Variants in AKAP13 observed in about 807,000 individuals in gnomAD.
AKAP13 encodes A-kinase anchoring protein 13.
In AKAP13, 80 loss-of-function variants were observed where a neutral mutation model predicts 264.5. The observed-to-expected ratio is 0.30, with a 90% CI of 0.25 to 0.36. The LOEUF is 0.36. AKAP13 is among the 10% of genes least tolerant of loss of function. The pLI is 1.00. For missense variants in AKAP13, 3,712 were observed against 3,435.2 expected, an observed-to-expected ratio of 1.08 and a Z score of -2.01; for synonymous variants, 1,380 against 1,250.2, an observed-to-expected ratio of 1.10 and a Z score of -2.19.
rs151131218 is a variant in AKAP13 at position 85,743,702 on chromosome 15, C to G, written c.8269C>G (p.Pro2757Ala). The change falls in exon 36 of 37, where the codon CCA becomes GCA. Residue 2757 changes from proline (P) to alanine (A), a missense_variant. Physicochemically the swap from Pro to Ala is conservative, Grantham distance 27. Coordinates refer to ENST00000394518, the MANE Select transcript of AKAP13 (RefSeq NM_007200.5). The part of the protein sequence containing the change: ...LSSTSQTNKG[P>A]EGQSQAPAST... ...TTCAACCAGCCAGACAAACAAAGGA[C>G]CAGAAGGGCAGAGCCAGGCCCCTGC... 2.5e-6 allele frequency: 4 copies of G among 1,614,138 alleles called. No individual in the cohort carries two copies. The East Asian group carries it at 6.7e-5, about 27-fold the overall frequency.
At chr15:85,396,928 A>T (rs1299597609) in intron 1 of AKAP13, among the ~76,000 whole-genome samples, 3 of 143,458 alleles carry the variant, frequency 2.1e-5, no homozygotes, top group African/African-American at 7.7e-5. Flanking sequence ...TTTTTAAGAT[A>T]ACTGTTTCTC....
intron 8 of AKAP13, among the ~76,000 whole-genome samples, chr15:85,593,217 C>T (rs1333571342): frequency 6.6e-6 from 1 of 152,062 alleles, no homozygotes; most frequent in Non-Finnish European, 1.5e-5. Flanking sequence ...GAGGCTGAGG[C>T]ATGAGAATTG....
intron 8 of AKAP13, among the ~76,000 whole-genome samples, chr15:85,609,821 C>G (rs879643872): frequency 1.3e-5 from 2 of 152,144 alleles, no homozygotes; most frequent in African/African-American, 2.4e-5. Context: ...TATGCAACAC[C>G]CACCTCCTCT....
intron 1 of AKAP13, among the ~76,000 whole-genome samples, chr15:85,457,023 T>C (rs548817766): frequency 2.0e-5 from 3 of 152,338 alleles, no homozygotes; most frequent in Non-Finnish European, 4.4e-5. Flanking sequence ...CGTTTTCTTG[T>C]ATACTTCCCC....
intron 21 of AKAP13, 108 bp from the exon 22 acceptor site, chr15:85,717,899 G>A: frequency 9.3e-7 from 1 of 1,069,842 alleles, no homozygotes; most frequent in Non-Finnish European, 1.4e-6. Context: ...AATATCCCCT[G>A]TATTCATGTG....
At chr15:85,692,765 C>G (rs1438688361) in intron 16 of AKAP13, among the ~76,000 whole-genome samples, 1 of 152,168 alleles carries the variant, frequency 6.6e-6, no homozygotes, top group Non-Finnish European at 1.5e-5. Flanking sequence ...TATACATACT[C>G]CGTCACTTAG....
chr15:85,741,737 A>C (rs561051480), intron 35 of AKAP13, among the ~76,000 whole-genome samples: 10 of 150,376 alleles, frequency 6.7e-5, no homozygotes, highest in South Asian at 4.2e-4. Flanking sequence ...AACAAAAAAA[A>C]AAAACAGTTT....
chr15:85,558,201 A>G (rs1488562320), intron 5 of AKAP13, among the ~76,000 whole-genome samples: 1 of 152,226 alleles, frequency 6.6e-6, no homozygotes, highest in Non-Finnish European at 1.5e-5. Context: ...CAGTGCTATT[A>G]TGAGGGAGAG....
chr15:85,735,860 A>G (rs2151765518), intron 32 of AKAP13, among the ~76,000 whole-genome samples: 1 of 152,276 alleles, frequency 6.6e-6, no homozygotes, highest in African/African-American at 2.4e-5. Flanking sequence ...TCATAACTCT[A>G]CCATGGTCCT....
intron 11 of AKAP13, 30 bp from the exon 12 acceptor site, chr15:85,658,507 A>T (rs1465082808): frequency 6.2e-7 from 1 of 1,611,646 alleles, no homozygotes; most frequent in Non-Finnish European, 8.5e-7. Flanking sequence ...TTTCACCTGC[A>T]ACACTGACCT....
chr15:85,568,842 T>C (rs563457634), intron 5 of AKAP13, among the ~76,000 whole-genome samples: 1 of 152,270 alleles, frequency 6.6e-6, no homozygotes, highest in African/African-American at 2.4e-5. Context: ...AGCAAAAGAA[T>C]GATGTCACTA....
chr15:85,688,891 T>C (rs1371974830), intron 16 of AKAP13, among the ~76,000 whole-genome samples: 1 of 152,196 alleles, frequency 6.6e-6, no homozygotes, highest in Non-Finnish European at 1.5e-5. Flanking sequence ...CTTAGTATCT[T>C]TGAGAGATAG....
At chr15:85,682,065 G>A (rs891052364) in intron 14 of AKAP13, 93 bp from the exon 15 acceptor site, 12 of 1,196,608 alleles carry the variant, frequency 1.0e-5, no homozygotes, top group Non-Finnish European at 1.5e-5. Flanking sequence ...CGCTGTTTTT[G>A]CTTTAGCTGT....
intron 8 of AKAP13, among the ~76,000 whole-genome samples, chr15:85,617,035 A>G (rs1203087644): frequency 6.6e-6 from 1 of 152,236 alleles, no homozygotes; most frequent in Non-Finnish European, 1.5e-5. Context: ...TATGTCTCAA[A>G]CAGTAATCTA....
chr15:85,488,275 A>T (rs2151064766), intron 2 of AKAP13, among the ~76,000 whole-genome samples: 1 of 152,338 alleles, frequency 6.6e-6, no homozygotes, highest in East Asian at 1.9e-4. Context: ...TTCTGAGGTA[A>T]GTATCATTTG....
intron 2 of AKAP13, among the ~76,000 whole-genome samples, chr15:85,500,314 T>C (rs1034353622): frequency 6.6e-6 from 1 of 152,206 alleles, no homozygotes; most frequent in Non-Finnish European, 1.5e-5. Flanking sequence ...CTTGGAACAC[T>C]CTGTGTTTGC....
At chr15:85,657,753 G>C (rs2083167685) in intron 11 of AKAP13, among the ~76,000 whole-genome samples, 1 of 140,976 alleles carries the variant, frequency 7.1e-6, no homozygotes, top group African/African-American at 2.6e-5. Context: ...AACAGAAAAT[G>C]TAAGAGCATG....
rs35636118 is a variant in AKAP13 at position 85,660,352 on chromosome 15, CAAAAAAAAAA to C, written c.4799+1780_4799+1789del. The stretch of plus-strand genomic sequence containing the variant: ...TGGGTGACAGAGTGAATCTAAGTCT[CAAAAAAAAAA>C]AAAAAAAAAAAAAAAAAGCTTTTAT... On this transcript the variant is annotated intron_variant, in intron 12 of 36. Transcript: ENST00000394518. 4.3e-3 allele frequency among the ~76,000 whole-genome samples: 294 copies of C among 68,562 alleles called. 3 individuals are homozygous for C. Among genetic ancestry groups the C allele is most frequent in the African/African-American group, 0.017 (280 of 16,858 alleles). The allele number at this position is 68,562 out of a possible 152,430, so 45.0% of individuals were successfully genotyped here. A position where few individuals can be genotyped will look rare whatever the true frequency, so the allele number is the denominator to read the frequency against.
rs2079133365 is a variant in AKAP13 at position 85,580,938 on chromosome 15, G to A, written c.2870G>A (p.Gly957Glu). The A allele has an allele frequency of 6.2e-7, 1 of 1,614,084 alleles. No individual in the cohort carries two copies. Among genetic ancestry groups the A allele is most frequent in the Non-Finnish European group, 8.5e-7 (1 of 1,180,016 alleles). ...LQEEQRTPPP[G>E]QDTQQFHEKS... ...GAAGAGCAGAGAACACCACCTCCTG[G>A]ACAAGATACTCAACAATTTCATGAA... Residue 957 changes from glycine (G) to glutamate (E), a missense_variant, in exon 7 of 37, where the codon GGA (glycine) becomes GAA (glutamate). By Grantham distance (98) the Gly-to-Glu change is moderately conservative. This residue lies in a region of AKAP13 where 2,759 missense variants were observed against 2,411.7 expected (regional missense o/e 1.14). Transcript: ENST00000394518.
Sources: gnomAD v4.1 joint callset for allele counts (sites outside exome capture counted in the v4.1 genomes callset) on GRCh38, gnomAD v4.1.1 for gene constraint, gnomAD v4.1.1 regional missense constraint, MANE v1.5 for transcripts, NCBI Gene and HGNC (gene_info 2026-07-23, HGNC 2026-07-21) for gene names.